The following ATP10B variants were observed in gnomAD, a reference collection of about 807,000 sequenced individuals.
ATP10B encodes phospholipid-transporting ATPase VB.
Under a neutral mutation model 141.2 loss-of-function variants are expected in ATP10B, and 122 were observed. The ratio of observed to expected loss-of-function variants is 0.86; its 90% confidence interval spans 0.75 to 1.00. ATP10B has a LOEUF of 1.00. Ranked by LOEUF, ATP10B falls within the 50% of genes least tolerant of loss-of-function variation. The pLI is 0.00. For synonymous variants in ATP10B, 685 were observed against 692.0 expected (o/e 0.99, Z 0.16); for missense variants, 1,876 against 1,825.3 (o/e 1.03, Z -0.51).
intron 2 of ATP10B, among the ~76,000 whole-genome samples, chr5:160,768,343 A>G (rs191208504): frequency 6.6e-6 from 1 of 152,312 alleles, no homozygotes; most frequent in South Asian, 2.1e-4. Context: ...CTAAATTCAT[A>G]TGGCTGAAAA....
intron 6 of ATP10B, chr5:160,684,838 C>A: frequency 1.4e-6 from 1 of 691,846 alleles, no homozygotes; most frequent in South Asian, 1.5e-5. Flanking sequence ...GCTTTACCTG[C>A]TGTAGATGAG....
At chr5:160,725,656 A>G (rs1240587681) in intron 2 of ATP10B, among the ~76,000 whole-genome samples, 1 of 152,138 alleles carries the variant, frequency 6.6e-6, no homozygotes, top group Non-Finnish European at 1.5e-5. Context: ...CGTGTTAGCC[A>G]GGATGGTCTC....
At chr5:160,852,561 G>T (rs1163893829), upstream of ATP10B, among the ~76,000 whole-genome samples, 1 of 152,134 alleles carries the variant, frequency 6.6e-6, no homozygotes, top group East Asian at 1.9e-4. Context: ...TGCTGATGAT[G>T]AATTTGCCCT....
At chr5:160,778,672 T>C (rs1287382331) in intron 2 of ATP10B, among the ~76,000 whole-genome samples, 1 of 147,056 alleles carries the variant, frequency 6.8e-6, no homozygotes, top group Non-Finnish European at 1.5e-5. Flanking sequence ...TCCAAAAATA[T>C]TGACTTTTTT....
chr5:160,881,214 G>A, the ATP10B span, among the ~76,000 whole-genome samples: 48 of 152,224 alleles, frequency 3.2e-4, no homozygotes, highest in Admixed American at 1.2e-3. Context: ...ATGGCATCAG[G>A]AAAATGCAAA....
chr5:160,671,164 C>CAAA (rs1167788105), intron 6 of ATP10B, among the ~76,000 whole-genome samples: 1 of 23,712 alleles, frequency 4.2e-5, no homozygotes, highest in South Asian at 2.3e-3. Context: ...GACTCTGTCT[C>CAAA]AAAAAAAAAA....
rs749775612 is a variant in ATP10B at position 160,640,583 on chromosome 5, G to A, written c.878C>T (p.Thr293Met). Residue 293 changes from threonine (T) to methionine (M), a missense_variant, in exon 10 of 26, where the codon ACG (threonine) becomes ATG (methionine). By Grantham distance (81) the Thr-to-Met change is moderately conservative. Coordinates refer to ENST00000327245, the MANE Select transcript of ATP10B (RefSeq NM_025153.3). ...VGIVIYAGHETKAMLNNSGPR... is the reference protein window; with the variant it reads ...VGIVIYAGHEMKAMLNNSGPR... ...GCCACTGTTGTTCAGCATGGCTTTCGTCTCATGGCCTTTGAGAGAAAATGA... is the reference window on the plus strand; with the variant it reads ...GCCACTGTTGTTCAGCATGGCTTTCATCTCATGGCCTTTGAGAGAAAATGA... 34 of 1,613,896 alleles carry A rather than the reference G, an allele frequency of 2.1e-5. No individual in the cohort carries two copies. The highest frequency in any genetic ancestry group is 1.3e-4 in the East Asian group (6 of 44,896).
chr5:160,747,477 G>A (rs1414981988), intron 2 of ATP10B, among the ~76,000 whole-genome samples: 1 of 152,172 alleles, frequency 6.6e-6, no homozygotes, highest in East Asian at 1.9e-4. Context: ...TTAAAATGAT[G>A]TCTTACTGGA....
intron 7 of ATP10B, among the ~76,000 whole-genome samples, chr5:160,657,366 A>C (rs1004610870): frequency 2.6e-5 from 4 of 152,150 alleles, no homozygotes; most frequent in Admixed American, 6.5e-5. Context: ...TGGTAGGTGA[A>C]GGTTCTTTTC....
At chr5:160,915,093 T>C in the ATP10B span, among the ~76,000 whole-genome samples, 9 of 152,340 alleles carry the variant, frequency 5.9e-5, no homozygotes, top group African/African-American at 2.2e-4. Flanking sequence ...GTTCTCATGC[T>C]AGCCTCACAA....
upstream of ATP10B, chr5:160,852,263 C>G (rs1211594047): frequency 6.6e-6 from 1 of 152,140 alleles, no homozygotes; most frequent in African/African-American, 2.4e-5. Flanking sequence ...ACAGTGAAGG[C>G]AGTGTTCTTC....
At chr5:160,611,655 C>T (rs1757726197) in intron 18 of ATP10B, 2 of 152,180 alleles carry the variant, frequency 1.3e-5, no homozygotes, top group Admixed American at 6.5e-5. Context: ...TATATTGTTG[C>T]TTCATGGAAT....
At chr5:160,573,452 G>A (rs1755001579) in intron 24 of ATP10B, among the ~76,000 whole-genome samples, 1 of 152,208 alleles carries the variant, frequency 6.6e-6, no homozygotes. Context: ...TTAAAGAAGA[G>A]GGGTCCCCAG....
intron 1 of ATP10B, among the ~76,000 whole-genome samples, chr5:160,834,536 G>C (rs1028652390): frequency 1.3e-5 from 2 of 151,986 alleles, no homozygotes; most frequent in African/African-American, 4.8e-5. Context: ...CTTTTTCAGG[G>C]CAACATTCTT....
At chr5:160,905,527 C>T in the ATP10B span, among the ~76,000 whole-genome samples, 3 of 152,296 alleles carry the variant, frequency 2.0e-5, no homozygotes, top group African/African-American at 7.2e-5. Context: ...CATAGCTCTA[C>T]CACTGAAACT....
chr5:160,804,457 C>T (rs780431335), intron 1 of ATP10B, among the ~76,000 whole-genome samples: 12 of 152,138 alleles, frequency 7.9e-5, no homozygotes, highest in African/African-American at 2.2e-4. Context: ...AGGATCTTCA[C>T]GTGCATTATC....
At chr5:160,897,161 C>T in the ATP10B span, among the ~76,000 whole-genome samples, 6 of 152,294 alleles carry the variant, frequency 3.9e-5, no homozygotes, top group East Asian at 1.2e-3. Flanking sequence ...CTCACCACTC[C>T]TATTCAACAT....
chr5:160,842,078 C>A (rs376330169), intron 1 of ATP10B, among the ~76,000 whole-genome samples: 1 of 151,994 alleles, frequency 6.6e-6, no homozygotes, highest in East Asian at 1.9e-4. Context: ...CACAGGCTAG[C>A]CATAAAGCAA....
intron 2 of ATP10B, among the ~76,000 whole-genome samples, chr5:160,737,950 A>AC (rs1171656067): frequency 1.3e-5 from 2 of 152,150 alleles, no homozygotes; most frequent in Non-Finnish European, 2.9e-5. Flanking sequence ...GTTACTATCA[A>AC]CCTTTATCTT....
Sources: allele counts gnomAD v4.1 joint callset (sites outside exome capture counted in the v4.1 genomes callset), GRCh38; gene constraint gnomAD v4.1.1; transcripts MANE v1.5; gene names NCBI Gene and HGNC (gene_info 2026-07-23, HGNC 2026-07-21).